NFATC2IP: variants seen among roughly 807,000 people sequenced by gnomAD.
NFATC2IP encodes nuclear factor of activated T cells 2 interacting protein, also known as NFATC2-interacting protein.
Under a neutral mutation model 40.2 loss-of-function variants are expected in NFATC2IP, and 25 were observed. The observed-to-expected ratio is 0.62, with a 90% CI of 0.45 to 0.87. NFATC2IP has a LOEUF of 0.87. Ranked by LOEUF, NFATC2IP falls within the 40% of genes least tolerant of loss-of-function variation. The pLI is 0.00. For missense variants in NFATC2IP, 553 were observed against 555.6 expected, an observed-to-expected ratio of 1.00 and a Z score of 0.05; for synonymous variants, 241 against 236.3, an observed-to-expected ratio of 1.02 and a Z score of -0.18.
chr16:28,964,170 A>T lies in NFATC2IP; in HGVS notation c.*307A>T. 3.1e-6 allele frequency: 1 copy of T among 325,430 alleles called. No individual in the cohort carries two copies. The highest frequency in any genetic ancestry group is 4.6e-5 in the South Asian group (1 of 21,706). 20.2% of individuals were successfully genotyped at this position (325,430 alleles called of 1,614,324 possible). ...CTTTCACCACCATCCTCTTTTCCTC[A>T]TGGAAATGTCTGCTTTATGAAACTA... On this transcript the variant is annotated 3_prime_UTR_variant, in exon 8 of 8. Coordinates refer to ENST00000320805, the MANE Select transcript of NFATC2IP (RefSeq NM_032815.4).
chr16:28,952,030 G>A, intron 1 of NFATC2IP, 102 bp from the exon 2 acceptor site: 1 of 1,514,570 alleles, frequency 6.6e-7, no homozygotes, highest in Non-Finnish European at 9.0e-7. Context: ...CGATCTTAGG[G>A]AGGATTTGGG....
At chr16:28,953,258 A>C (rs1964986400) in intron 2 of NFATC2IP, among the ~76,000 whole-genome samples, 1 of 151,554 alleles carries the variant, frequency 6.6e-6, no homozygotes, top group African/African-American at 2.4e-5. Flanking sequence ...TTTTTAGTAG[A>C]GATGGGGTTT....
chr16:28,956,616 C>G (rs1965025361), intron 5 of NFATC2IP: 1 of 427,186 alleles, frequency 2.3e-6, no homozygotes, highest in Non-Finnish European at 4.2e-6. Flanking sequence ...AAAAAGTGGT[C>G]TTACTGTGTC....
At chr16:28,953,048 C>T (rs1481855370) in intron 2 of NFATC2IP, among the ~76,000 whole-genome samples, 4 of 147,716 alleles carry the variant, frequency 2.7e-5, no homozygotes, top group African/African-American at 1.0e-4. Flanking sequence ...AGCTCTATCT[C>T]TTAATAGCTG....
At chr16:28,959,409 C>T (rs146507822) in intron 7 of NFATC2IP, among the ~76,000 whole-genome samples, 1,953 of 152,202 alleles carry the variant, frequency 0.013, 43 homozygotes, top group African/African-American at 0.044. Flanking sequence ...GAAGGCCACA[C>T]GGCTAAGTGC....
At chr16:28,956,088 G>A (rs181420599) in intron 4 of NFATC2IP, 30 bp downstream of exon 4, 1 of 1,613,356 alleles carries the variant, frequency 6.2e-7, no homozygotes, top group East Asian at 2.2e-5. Context: ...TGGCTGGGAT[G>A]GAAGAGGGCA....
intron 7 of NFATC2IP, among the ~76,000 whole-genome samples, chr16:28,962,713 A>C (rs1965100503): frequency 6.6e-6 from 1 of 152,182 alleles, no homozygotes; most frequent in Non-Finnish European, 1.5e-5. Flanking sequence ...CCAAATATAT[A>C]TTTGACAACA....
At position 28,951,105 on chromosome 16, in the gene NFATC2IP, C is replaced by A; in HGVS notation, c.94C>A (p.Pro32Thr). The change falls in exon 1 of 8, where the codon CCT (proline) becomes ACT (threonine). Residue 32 changes from proline to threonine, a missense_variant. Pro to Thr is a conservative substitution (Grantham distance 38). Coordinates refer to ENST00000320805, the MANE Select transcript of NFATC2IP (RefSeq NM_032815.4). ...CGGCTGGGGCGGTCGGGGCCGGCGT[C>A]CTCGGGCCCAGCGGTCTCCATCCCG... is the stretch of plus-strand genomic sequence containing the variant. ...RGGWGGRGRR[P>T]RAQRSPSRGT... is the part of the protein sequence containing the mutation. The A allele has an allele frequency of 1.3e-6, 2 of 1,544,004 alleles. No individual in the cohort carries two copies. The highest frequency in any genetic ancestry group is 1.7e-6 in the Non-Finnish European group (2 of 1,143,448).
chr16:28,963,767 G>A lies in NFATC2IP; in HGVS notation c.1164G>A (p.Lys388=). 3.7e-6 allele frequency: 6 copies of A among 1,614,178 alleles called. No homozygotes were observed. The highest frequency in any genetic ancestry group is 5.1e-6 in the Non-Finnish European group (6 of 1,179,994). ...YEEAMGLSGR[K]LSFFFDGTKL... ...AGGCCATGGGACTGTCGGGACGGAA[G>A]CTCTCCTTCTTCTTTGATGGGACAA... The change falls in exon 8 of 8, where the codon AAG becomes AAA. Residue 388 remains lysine (K), a synonymous_variant. Coordinates refer to ENST00000320805, the MANE Select transcript of NFATC2IP (RefSeq NM_032815.4).
intron 2 of NFATC2IP, 168 bp downstream of exon 2, chr16:28,952,372 A>C: frequency 9.7e-7 from 1 of 1,035,968 alleles, no homozygotes; most frequent in Middle Eastern, 2.4e-4. Context: ...CAAGCATAGA[A>C]TGTATTAATG....
chr16:28,964,267 G>A lies in NFATC2IP; in HGVS notation c.*404G>A, dbSNP rs528835047. 5 of 186,164 alleles carry A rather than the reference G, an allele frequency of 2.7e-5. No individual in the cohort carries two copies. The highest frequency in any genetic ancestry group is 4.6e-5 in the Non-Finnish European group (4 of 87,028). The allele number at this position is 186,164 out of a possible 1,614,324, so 11.5% of individuals were successfully genotyped here. A position where few individuals can be genotyped will look rare whatever the true frequency, so the allele number is the denominator to read the frequency against. ...CTTCCAGGCCTGGGATTTACACCAC[G>A]CCTAGCCCAGCAGAGGCCTTAGTCC... On this transcript the variant is annotated 3_prime_UTR_variant, in exon 8 of 8. Transcript: ENST00000320805.
chr16:28,951,017 G>C lies in NFATC2IP; in HGVS notation c.6G>C (p.Ala2=). Residue 2 remains alanine (A), a synonymous_variant, in exon 1 of 8, where the codon GCG becomes GCC. Transcript: ENST00000320805. M[A]EPVGKRGRWS... is the part of the protein sequence containing the mutation. ...GTTGTGGAGGAAAGTGTGCCATGGCGGAGCCTGTGGGGAAGCGGGGCCGCT... is the reference window on the plus strand; with the variant it reads ...GTTGTGGAGGAAAGTGTGCCATGGCCGAGCCTGTGGGGAAGCGGGGCCGCT... The C allele has an allele frequency of 6.6e-7, 1 of 1,515,374 alleles. No homozygotes were observed. Among genetic ancestry groups the C allele is most frequent in the Middle Eastern group, 2.1e-4 (1 of 4,804 alleles). The allele number at this position is 1,515,374 out of a possible 1,614,324, so 93.9% of individuals were successfully genotyped here. A position where few individuals can be genotyped will look rare whatever the true frequency, so the allele number is the denominator to read the frequency against.
chr16:28,963,784 A>T lies in NFATC2IP; in HGVS notation c.1181A>T (p.Asp394Val), dbSNP rs1567515034. The change falls in exon 8 of 8, where the codon GAT (aspartate) becomes GTT (valine). Residue 394 changes from aspartate (D) to valine (V), a missense_variant. Asp to Val is a radical substitution (Grantham distance 152, BLOSUM62 -3). Coordinates refer to ENST00000320805, the MANE Select transcript of NFATC2IP (RefSeq NM_032815.4). ...LSGRKLSFFFDGTKLSGRELP... is the reference protein window; with the variant it reads ...LSGRKLSFFFVGTKLSGRELP... Reference sequence around the variant, plus strand: ...GGACGGAAGCTCTCCTTCTTCTTTGATGGGACAAAGCTTTCAGGCAGGGAG... The same window carrying T: ...GGACGGAAGCTCTCCTTCTTCTTTGTTGGGACAAAGCTTTCAGGCAGGGAG... The T allele has an allele frequency of 6.2e-7, 1 of 1,614,136 alleles. No homozygotes were observed. Among genetic ancestry groups the T allele is most frequent in the Non-Finnish European group, 8.5e-7 (1 of 1,179,990 alleles).
chr16:28,951,068 AG>A lies in NFATC2IP; in HGVS notation c.62del (p.Gly21ValfsTer25). On this transcript the variant is annotated frameshift_variant, in exon 1 of 8. Coordinates refer to ENST00000320805, the MANE Select transcript of NFATC2IP (RefSeq NM_032815.4). ...GGTCCGGAGGTAGCGGTGCCGGCCGAGGGGGTCGGGGCGGCTGGGGCGGTCG... is the reference window on the plus strand; with the variant it reads ...GGTCCGGAGGTAGCGGTGCCGGCCGAGGGGTCGGGGCGGCTGGGGCGGTCG... ...RWSGGSGAGR[G>X]GRGGWGGRGR... 6.5e-7 allele frequency: 1 copy of A among 1,527,882 alleles called. No individual in the cohort carries two copies. Among genetic ancestry groups the A allele is most frequent in the Non-Finnish European group, 8.8e-7 (1 of 1,137,596 alleles). 94.6% of individuals were successfully genotyped at this position (1,527,882 alleles called of 1,614,324 possible).
rs1231809953 is a variant in NFATC2IP, at chr16:28,956,306, G to C, written c.815G>C (p.Arg272Pro). 2 of 1,613,896 alleles carry C rather than the reference G, an allele frequency of 1.2e-6. No homozygotes were observed. The highest frequency in any genetic ancestry group is 2.7e-5 in the African/African-American group (2 of 74,912). Residue 272 changes from arginine to proline, a missense_variant, in exon 5 of 8, where the codon CGG becomes CCG. Coordinates refer to ENST00000320805, the MANE Select transcript of NFATC2IP (RefSeq NM_032815.4). ...CTCTTCCCACTCAAAATCCGTTGCC[G>C]GGCTGACCTGGTCAGATTGCCCCTC... is the stretch of plus-strand genomic sequence containing the variant. Reference protein sequence around the residue: ...PRLFPLKIRCRADLVRLPLRM... With the variant: ...PRLFPLKIRCPADLVRLPLRM...
intron 1 of NFATC2IP, 79 bp downstream of exon 1, chr16:28,951,477 G>A (rs1470612876): frequency 7.5e-7 from 1 of 1,329,234 alleles, no homozygotes; most frequent in East Asian, 3.0e-5. Flanking sequence ...TTCGGGGAGG[G>A]TAGGGCTATA....
chr16:28,964,184 T>C lies in NFATC2IP; in HGVS notation c.*321T>C. ...CTCTTTTCCTCATGGAAATGTCTGCTTTATGAAACTATGCACATATTGAAA... is the reference window on the plus strand; with the variant it reads ...CTCTTTTCCTCATGGAAATGTCTGCCTTATGAAACTATGCACATATTGAAA... On this transcript the variant is annotated 3_prime_UTR_variant, in exon 8 of 8. Transcript: ENST00000320805. 2 of 310,440 alleles carry C rather than the reference T, an allele frequency of 6.4e-6. No individual in the cohort carries two copies. The highest frequency in any genetic ancestry group is 4.3e-5 in the Admixed American group (1 of 23,464). 19.2% of individuals were successfully genotyped at this position (310,440 alleles called of 1,614,324 possible).
chr16:28,955,906 G>A (rs940651422), intron 3 of NFATC2IP, 72 bp from the exon 4 acceptor site: 3 of 1,204,998 alleles, frequency 2.5e-6, no homozygotes, highest in African/African-American at 3.0e-5. Flanking sequence ...ATTGTCCAAG[G>A]ATCTGATTTC....
intron 7 of NFATC2IP, among the ~76,000 whole-genome samples, chr16:28,959,927 C>T (rs1222673081): frequency 1.3e-5 from 2 of 152,178 alleles, no homozygotes; most frequent in African/African-American, 4.8e-5. Context: ...TGGCTTAAAA[C>T]AATAGAAACC....
Sources: allele counts gnomAD v4.1 joint callset (sites outside exome capture counted in the v4.1 genomes callset), GRCh38; gene constraint gnomAD v4.1.1; transcripts MANE v1.5; gene names NCBI Gene and HGNC (gene_info 2026-07-23, HGNC 2026-07-21).